PPP2R3A: variants seen among roughly 807,000 people sequenced by gnomAD.
The protein encoded by PPP2R3A is protein phosphatase 2 regulatory subunit B''alpha, also known as serine/threonine-protein phosphatase 2A regulatory subunit B'' subunit alpha.
In PPP2R3A, 80 loss-of-function variants were observed where a neutral mutation model predicts 106.9. The observed-to-expected ratio is 0.75, with a 90% CI of 0.62 to 0.90. The LOEUF (loss-of-function observed/expected upper bound fraction) is 0.90. Ranked by LOEUF, PPP2R3A falls within the 40% of genes least tolerant of loss-of-function variation. The probability of loss-of-function intolerance (pLI) is 0.00; values close to 1 mark genes in which losing one functional copy is unlikely to be tolerated. For missense variants in PPP2R3A, 1,386 were observed against 1,350.4 expected, an observed-to-expected ratio of 1.03 and a Z score of -0.41; for synonymous variants, 483 against 468.3, an observed-to-expected ratio of 1.03 and a Z score of -0.41.
chr3:135,972,841 A>G (rs1005505622), intron 1 of PPP2R3A, among the ~76,000 whole-genome samples: 8 of 152,322 alleles, frequency 5.3e-5, no homozygotes, highest in South Asian at 4.1e-4. Flanking sequence ...ATATGTAAAT[A>G]TGGATACAAA....
chr3:136,055,653 A>G (rs1935836297), intron 5 of PPP2R3A: 14 of 1,247,340 alleles, frequency 1.1e-5, no homozygotes, highest in Non-Finnish European at 1.6e-5. Context: ...TACTTGATAC[A>G]GAGGTTGTTC....
In PPP2R3A at chr3:136,002,629, A is replaced by T. The variant is rs150362692; in HGVS notation, c.1131A>T (p.Leu377Phe). ...TTCCAAACAACTCCACAAATTCCTT[A>T]TATAACTTAGAGGTAAATGATCCTA... ...QSIPNNSTNS[L>F]YNLEVNDPRT... The change falls in exon 2 of 14, where the codon TTA (leucine) becomes TTT (phenylalanine). Residue 377 changes from leucine to phenylalanine, a missense_variant. By Grantham distance (22) the Leu-to-Phe change is conservative. Transcript: ENST00000264977. 52 of 1,613,940 alleles carry T rather than the reference A, an allele frequency of 3.2e-5. No homozygotes were observed. Among genetic ancestry groups the T allele is most frequent in the Non-Finnish European group, 4.4e-5 (52 of 1,179,840 alleles).
intron 5 of PPP2R3A, among the ~76,000 whole-genome samples, chr3:136,062,803 C>T (rs1936122074): frequency 6.6e-6 from 1 of 151,848 alleles, no homozygotes; most frequent in Admixed American, 6.6e-5. Context: ...ATTCCATGCT[C>T]ATGGGTAGGA....
rs767694067 is a variant in PPP2R3A at position 136,003,077 on chromosome 3, C to T, written c.1579C>T (p.Leu527=). Residue 527 remains leucine, a synonymous_variant, in exon 2 of 14, where the codon CTA becomes TTA. Transcript: ENST00000264977. ...TTTTTCACAGAAGATGGAGACCTCTCTAAGAGAGCCACTTGCGAAGGGTAA... is the reference window on the plus strand; with the variant it reads ...TTTTTCACAGAAGATGGAGACCTCTTTAAGAGAGCCACTTGCGAAGGGTAA... The part of the protein sequence containing the change: ...ESFSQKMETS[L]REPLAKGKNS... 8.9e-5 allele frequency: 143 copies of T among 1,611,216 alleles called. No homozygotes were observed. The highest frequency in any genetic ancestry group is 1.2e-4 in the Non-Finnish European group (139 of 1,179,350).
At chr3:136,030,273 G>A (rs1934823284) in intron 3 of PPP2R3A, among the ~76,000 whole-genome samples, 1 of 150,864 alleles carries the variant, frequency 6.6e-6, no homozygotes, top group African/African-American at 2.5e-5. Flanking sequence ...AGTTGAGGGG[G>A]ATGTGTATAT....
rs114971127 is a variant in PPP2R3A at position 136,137,892 on chromosome 3, T to C, written c.3330-7151T>C. 6.0e-3 allele frequency among the ~76,000 whole-genome samples: 906 copies of C among 152,164 alleles called. 16 individuals carry two copies. The highest frequency in any genetic ancestry group is 0.02 in the African/African-American group (814 of 41,498). On this transcript the variant is annotated intron_variant, in intron 13 of 13. Transcript: ENST00000264977. Reference sequence around the variant, plus strand: ...ATCAGCACTGGAAACTAAGGCACTATAGGTAAAGAAAGCCAGCCAGAAACC... The same window carrying C: ...ATCAGCACTGGAAACTAAGGCACTACAGGTAAAGAAAGCCAGCCAGAAACC...
At chr3:136,132,256 G>T (rs977364078) in intron 13 of PPP2R3A, among the ~76,000 whole-genome samples, 19 of 152,072 alleles carry the variant, frequency 1.2e-4, no homozygotes, top group Non-Finnish European at 1.9e-4. Context: ...GTAACTGGGG[G>T]GTCCTAGCCA....
chr3:136,090,731 G>C (rs540789013), intron 10 of PPP2R3A, 64 bp downstream of exon 10: 130 of 1,378,650 alleles, frequency 9.4e-5, no homozygotes, highest in Admixed American at 9.0e-4. Context: ...AAAAAGTCAT[G>C]GTGTATATTA....
chr3:135,966,505 C>T (rs184803285), intron 1 of PPP2R3A, among the ~76,000 whole-genome samples: 1 of 151,982 alleles, frequency 6.6e-6, no homozygotes, highest in Non-Finnish European at 1.5e-5. Flanking sequence ...CCGACCTGGC[C>T]GCCGCCGCCG....
chr3:136,140,941 T>C (rs551734152), intron 13 of PPP2R3A, among the ~76,000 whole-genome samples: 88 of 152,286 alleles, frequency 5.8e-4, no homozygotes, highest in Non-Finnish European at 1.1e-3. Context: ...CATGAATGAA[T>C]TCTGCACTCT....
chr3:136,010,668 C>T lies in PPP2R3A; in HGVS notation c.1995+7175C>T, dbSNP rs367850180. 7.9e-5 allele frequency among the ~76,000 whole-genome samples: 12 copies of T among 152,104 alleles called. No individual in the cohort carries two copies. In the East Asian group the frequency reaches 9.7e-4, roughly 12 times the overall value. On this transcript the variant is annotated intron_variant, in intron 2 of 13. Transcript: ENST00000264977. ...GTCTTGAACTCCTGAGCTTGTGATCCGCCCACCTCGGCCTCCCAGAGTGCT... is the reference window on the plus strand; with the variant it reads ...GTCTTGAACTCCTGAGCTTGTGATCTGCCCACCTCGGCCTCCCAGAGTGCT...
intron 2 of PPP2R3A, among the ~76,000 whole-genome samples, chr3:136,024,700 A>G (rs927077706): frequency 4.6e-5 from 7 of 152,164 alleles, no homozygotes; most frequent in African/African-American, 1.7e-4. Flanking sequence ...TCTTAATTCT[A>G]TGGGCATAAC....
At position 135,986,677 on chromosome 3, in the gene PPP2R3A, T is replaced by C. The variant is rs868361557; in HGVS notation, c.-440-14382T>C. ...CAGGAAGGAGCTTTATCACCACAGC[T>C]ACCCACTACCCGCAGTAGTATCCAT... On this transcript the variant is annotated intron_variant, in intron 1 of 13. Transcript: ENST00000264977. Among the ~76,000 whole-genome samples, 8 of 152,152 alleles carry C rather than the reference T, an allele frequency of 5.3e-5. No individual in the cohort carries two copies. The South Asian group carries it at 1.7e-3, about 32-fold the overall frequency.
chr3:136,130,481 T>A (rs1938370194), intron 13 of PPP2R3A, among the ~76,000 whole-genome samples: 1 of 152,148 alleles, frequency 6.6e-6, no homozygotes, highest in South Asian at 2.1e-4. Flanking sequence ...CAAGGAGAAC[T>A]ACAAATCACT....
intron 13 of PPP2R3A, among the ~76,000 whole-genome samples, chr3:136,144,318 T>C (rs984252069): frequency 1.3e-5 from 2 of 152,214 alleles, no homozygotes; most frequent in African/African-American, 4.8e-5. Flanking sequence ...TCTTTTTGTG[T>C]TGCTTGGAAG....
intron 13 of PPP2R3A, among the ~76,000 whole-genome samples, chr3:136,133,692 C>T (rs556944086): frequency 6.6e-6 from 1 of 151,988 alleles, no homozygotes; most frequent in East Asian, 1.9e-4. Context: ...TGGAAATAAT[C>T]CACATGTCCA....
intron 2 of PPP2R3A, among the ~76,000 whole-genome samples, chr3:136,011,000 A>G (rs1192993596): frequency 6.6e-6 from 1 of 152,084 alleles, no homozygotes; most frequent in East Asian, 1.9e-4. Flanking sequence ...AAGAGCTGTT[A>G]TTATTGTTTC....
chr3:135,970,473 C>T (rs190104878), intron 1 of PPP2R3A, among the ~76,000 whole-genome samples: 3 of 152,168 alleles, frequency 2.0e-5, no homozygotes, highest in Admixed American at 2.0e-4. Context: ...CAATCTAATT[C>T]TAGTTTAAGA....
intron 1 of PPP2R3A, among the ~76,000 whole-genome samples, chr3:135,973,412 A>G (rs950493925): frequency 6.6e-6 from 1 of 152,194 alleles, no homozygotes; most frequent in East Asian, 1.9e-4. Flanking sequence ...ACCACCACAC[A>G]TCTTCCCTCT....
Sources: allele counts gnomAD v4.1 joint callset (sites outside exome capture counted in the v4.1 genomes callset), GRCh38; gene constraint gnomAD v4.1.1; transcripts MANE v1.5; gene names NCBI Gene and HGNC (gene_info 2026-07-23, HGNC 2026-07-21).